DISP1: variants seen among roughly 807,000 people sequenced by gnomAD.
The protein encoded by DISP1 is protein dispatched homolog 1.
A neutral mutation model predicts 37.3 loss-of-function variants in DISP1; 30 were observed. That is an observed-to-expected ratio of 0.80 (90% CI 0.60 to 1.09). DISP1 has a LOEUF of 1.09. Among genes scored for constraint, DISP1 ranks in the 50% least tolerant of loss-of-function variants. The pLI, the probability that DISP1 is intolerant of heterozygous loss-of-function variation, is 0.00. For missense variants in DISP1, 1,598 were observed against 1,879.5 expected, an observed-to-expected ratio of 0.85 and a Z score of 2.77; for synonymous variants, 634 against 690.2, an observed-to-expected ratio of 0.92 and a Z score of 1.28.
chr1:222,846,491 CAA>C (rs756309930), intron 1 of DISP1, among the ~76,000 whole-genome samples: 1 of 140,822 alleles, frequency 7.1e-6, no homozygotes. Flanking sequence ...AACTCTGTCT[CAA>C]AAAAAAAAAG....
At position 223,002,623 on chromosome 1, in the gene DISP1, T is replaced by C. The variant is rs754759315; in HGVS notation, c.1226T>C (p.Leu409Pro). 2 of 1,614,146 alleles carry C rather than the reference T, an allele frequency of 1.2e-6. No individual in the cohort carries two copies. The highest frequency in any genetic ancestry group is 1.7e-6 in the Non-Finnish European group (2 of 1,180,026). Residue 409 changes from leucine to proline, a missense_variant, in exon 9 of 9, where the codon CTC becomes CCC. By Grantham distance (98) the Leu-to-Pro change is moderately conservative (BLOSUM62 -3). Transcript: ENST00000675850. The part of the protein sequence containing the change: ...WDMAARRKDQ[L>P]KCTNVPRKCT... The stretch of plus-strand genomic sequence containing the variant: ...ATGGCAGCCAGAAGAAAGGACCAGC[T>C]CAAGTGCACCAATGTGCCACGCAAA...
chr1:222,949,703 T>A (rs1331570461), intron 3 of DISP1, among the ~76,000 whole-genome samples: 1 of 152,198 alleles, frequency 6.6e-6, no homozygotes, highest in Admixed American at 6.5e-5. Context: ...CTCAGCTCAC[T>A]GCAACCTCCA....
chr1:222,966,406 C>T (rs1165942288), intron 3 of DISP1, among the ~76,000 whole-genome samples: 2 of 152,076 alleles, frequency 1.3e-5, no homozygotes, highest in Non-Finnish European at 2.9e-5. Context: ...CCTCATAAGT[C>T]ATTGGAAAAG....
chr1:222,946,234 AT>A (rs1390048107), intron 3 of DISP1, among the ~76,000 whole-genome samples: 1 of 139,578 alleles, frequency 7.2e-6, no homozygotes, highest in African/African-American at 2.7e-5. Context: ...AAAAAAAAAA[AT>A]TAGCCGGGCA....
At chr1:222,854,761 T>C (rs1332272776) in intron 1 of DISP1, among the ~76,000 whole-genome samples, 1 of 151,682 alleles carries the variant, frequency 6.6e-6, no homozygotes, top group Non-Finnish European at 1.5e-5. Context: ...TTTTTAATCA[T>C]AAATGGCAAA....
chr1:222,857,317 T>C (rs1020038920), intron 1 of DISP1, among the ~76,000 whole-genome samples: 1 of 151,934 alleles, frequency 6.6e-6, no homozygotes, highest in Non-Finnish European at 1.5e-5. Context: ...GAATAAAGAT[T>C]GTAGACTTTG....
intron 2 of DISP1, among the ~76,000 whole-genome samples, chr1:222,936,801 T>G (rs1321228451): frequency 2.3e-5 from 1 of 43,994 alleles, no homozygotes; most frequent in Non-Finnish European, 4.6e-5. Flanking sequence ...TATAATATAT[T>G]ATATATATAA....
chr1:222,839,855 C>T (rs1365238798), intron 1 of DISP1, among the ~76,000 whole-genome samples: 1 of 151,986 alleles, frequency 6.6e-6, no homozygotes, highest in African/African-American at 2.4e-5. Flanking sequence ...ATTGCTTGAA[C>T]CCAGGAGGCG....
intron 1 of DISP1, among the ~76,000 whole-genome samples, chr1:222,861,013 A>G (rs1358624026): frequency 6.6e-6 from 1 of 152,218 alleles, no homozygotes; most frequent in Non-Finnish European, 1.5e-5. Context: ...ATAGAAATTT[A>G]TTTAATGGCA....
At chr1:222,900,402 G>T (rs1317552245) in intron 1 of DISP1, among the ~76,000 whole-genome samples, 1 of 152,160 alleles carries the variant, frequency 6.6e-6, no homozygotes, top group East Asian at 1.9e-4. Context: ...AATTTGGATT[G>T]TCTATGTCAG....
chr1:222,941,769 A>T (rs1007417147), intron 2 of DISP1, among the ~76,000 whole-genome samples: 1 of 152,170 alleles, frequency 6.6e-6, no homozygotes, highest in African/African-American at 2.4e-5. Context: ...GTGGGGAAGG[A>T]CTAGAAAGAG....
chr1:222,900,404 CTA>C (rs1671514418), intron 1 of DISP1, among the ~76,000 whole-genome samples: 1 of 152,108 alleles, frequency 6.6e-6, no homozygotes, highest in South Asian at 2.1e-4. Context: ...TTTGGATTGT[CTA>C]TGTCAGTAGA....
At chr1:222,896,468 G>A (rs991572680) in intron 1 of DISP1, among the ~76,000 whole-genome samples, 5 of 152,066 alleles carry the variant, frequency 3.3e-5, no homozygotes, top group African/African-American at 1.2e-4. Flanking sequence ...GGGTGTGCTG[G>A]TGGGCGCCTG....
At chr1:222,923,022 G>A (rs1672892931) in intron 1 of DISP1, among the ~76,000 whole-genome samples, 1 of 152,174 alleles carries the variant, frequency 6.6e-6, no homozygotes, top group Non-Finnish European at 1.5e-5. Flanking sequence ...ATTGTAGGAA[G>A]TGAAGGAACG....
At chr1:222,964,997 T>A (rs1676361911) in intron 3 of DISP1, among the ~76,000 whole-genome samples, 1 of 152,166 alleles carries the variant, frequency 6.6e-6, no homozygotes, top group Admixed American at 6.5e-5. Flanking sequence ...CCAAGCACAC[T>A]TCCTTCAGTA....
chr1:222,988,683 A>T (rs1572708363), intron 4 of DISP1, among the ~76,000 whole-genome samples: 1 of 112,280 alleles, frequency 8.9e-6, no homozygotes, highest in Non-Finnish European at 1.7e-5. Flanking sequence ...TTTTTGACAG[A>T]GTGTTGCTCA....
chr1:222,838,145 C>T (rs1667360733), intron 1 of DISP1, among the ~76,000 whole-genome samples: 1 of 152,014 alleles, frequency 6.6e-6, no homozygotes, highest in South Asian at 2.1e-4. Flanking sequence ...TTTCCTTTCC[C>T]TCTCAACTTT....
intron 1 of DISP1, among the ~76,000 whole-genome samples, chr1:222,867,536 C>T (rs539193215): frequency 1.3e-5 from 2 of 152,238 alleles, no homozygotes; most frequent in African/African-American, 2.4e-5. Context: ...AAACTCCCCT[C>T]GCTGGGCTGT....
At chr1:222,957,182 C>T (rs540277414) in intron 3 of DISP1, among the ~76,000 whole-genome samples, 27 of 145,684 alleles carry the variant, frequency 1.9e-4, no homozygotes, top group African/African-American at 6.9e-4. Flanking sequence ...TTCTTAGATT[C>T]CGCTTTTGGG....
Sources: allele counts gnomAD v4.1 joint callset (sites outside exome capture counted in the v4.1 genomes callset), GRCh38; gene constraint gnomAD v4.1.1; transcripts MANE v1.5; gene names NCBI Gene and HGNC (gene_info 2026-07-23, HGNC 2026-07-21).